The following IL33 variants were observed in gnomAD, a reference collection of about 807,000 sequenced individuals.
The protein encoded by IL33 is interleukin 33.
In IL33, 37 loss-of-function variants were observed where a neutral mutation model predicts 27.3. The observed-to-expected ratio is 1.36, with a 90% confidence interval of 1.04 to 1.78. The LOEUF (loss-of-function observed/expected upper bound fraction) is 1.78, where lower values mean the gene tolerates loss of function less well. IL33 is among the 40% of genes most tolerant of loss of function. The probability of loss-of-function intolerance (pLI) is 0.00; values close to 1 mark genes in which losing one functional copy is unlikely to be tolerated. For missense variants in IL33, 406 were observed against 311.4 expected, an observed-to-expected ratio of 1.30 and a Z score of -2.29; for synonymous variants, 132 against 102.9, an observed-to-expected ratio of 1.28 and a Z score of -1.71.
intron 1 of IL33, among the ~76,000 whole-genome samples, chr9:6,227,446 G>C (rs994784810): frequency 2.0e-5 from 3 of 151,898 alleles, no homozygotes; most frequent in African/African-American, 4.8e-5. Context: ...GGCTGTTCAT[G>C]GTAACTAACC....
chr9:6,216,321 G>A (rs1818141127), intron 1 of IL33, among the ~76,000 whole-genome samples: 1 of 152,088 alleles, frequency 6.6e-6, no homozygotes, highest in African/African-American at 2.4e-5. Context: ...TGTAGAGATA[G>A]GGTCTTTGCT....
chr9:6,251,284 G>A lies in IL33; in HGVS notation c.343+19G>A. On this transcript the variant is annotated intron_variant, in intron 4 of 7. Coordinates refer to ENST00000682010, the MANE Select transcript of IL33 (RefSeq NM_033439.4). ...ATCACAGGTATGACTGGTTACAGGG[G>A]TGATGTGGGAGTGAGGAGGGAGGTA... 1 of 1,611,840 alleles carries A rather than the reference G, an allele frequency of 6.2e-7. No homozygotes were observed. The highest frequency in any genetic ancestry group is 8.5e-7 in the Non-Finnish European group (1 of 1,178,556).
Position 6,252,270 on chromosome 9 carries a change from T to A in IL33, c.344-596T>A, listed in dbSNP as rs112583572. Among the ~76,000 whole-genome samples, 1,347 of 152,164 alleles carry A rather than the reference T, an allele frequency of 8.9e-3. 9 individuals carry two copies. The highest frequency in any genetic ancestry group is 0.025 in the South Asian group (119 of 4,818). On this transcript the variant is annotated intron_variant, in intron 4 of 7. Coordinates refer to ENST00000682010, the MANE Select transcript of IL33 (RefSeq NM_033439.4). ...TTCTCCTTAATATTTTGTATACTATTTTTTTCCAGGCCCCATCTGAGTAGT... is the reference window on the plus strand; with the variant it reads ...TTCTCCTTAATATTTTGTATACTATATTTTTCCAGGCCCCATCTGAGTAGT...
chr9:6,247,347 T>A (rs752390596), intron 2 of IL33, among the ~76,000 whole-genome samples: 1 of 151,778 alleles, frequency 6.6e-6, no homozygotes, highest in African/African-American at 2.4e-5. Flanking sequence ...GTCCTGAGAG[T>A]CCAATGCCAC....
chr9:6,231,365 C>G (rs889712410), intron 1 of IL33, among the ~76,000 whole-genome samples: 8 of 152,170 alleles, frequency 5.3e-5, no homozygotes, highest in African/African-American at 1.9e-4. Flanking sequence ...CTGCTCCAGC[C>G]ACACTAGCAC....
chr9:6,245,946 C>T (rs1466009331), intron 2 of IL33, among the ~76,000 whole-genome samples: 1 of 150,846 alleles, frequency 6.6e-6, no homozygotes, highest in Non-Finnish European at 1.5e-5. Flanking sequence ...GCCTGTAGTC[C>T]CAGCCACTTG....
chr9:6,255,362 A>G (rs1387187944), intron 7 of IL33, among the ~76,000 whole-genome samples: 1 of 152,154 alleles, frequency 6.6e-6, no homozygotes, highest in Non-Finnish European at 1.5e-5. Flanking sequence ...AACATATATA[A>G]TCTAGTGTTT....
chr9:6,227,548 G>A (rs1818696076), intron 1 of IL33, among the ~76,000 whole-genome samples: 2 of 152,086 alleles, frequency 1.3e-5, no homozygotes, highest in Admixed American at 1.3e-4. Flanking sequence ...ATATTAATAA[G>A]TTAATGATTT....
At chr9:6,248,459 G>A (rs890513589) in intron 2 of IL33, among the ~76,000 whole-genome samples, 9 of 151,946 alleles carry the variant, frequency 5.9e-5, no homozygotes, top group African/African-American at 2.2e-4. Flanking sequence ...GAGTTCTCCG[G>A]ATTTCCTCTC....
rs1005011956 is a variant in IL33, at chr9:6,254,497, C to T, written c.556C>T (p.Leu186=). The change falls in exon 7 of 8, where the codon CTG becomes TTG. Residue 186 remains leucine, a synonymous_variant. Transcript: ENST00000682010. ...GVDGKMLMVT[L]SPTKDFWLHA... is the part of the protein sequence containing the mutation. ...TGATGGTAAGATGTTAATGGTAACCCTGAGTCCTACAAAAGACTTCTGGTT... is the reference window on the plus strand; with the variant it reads ...TGATGGTAAGATGTTAATGGTAACCTTGAGTCCTACAAAAGACTTCTGGTT... 5.6e-6 allele frequency: 9 copies of T among 1,597,848 alleles called. No homozygotes were observed. The highest frequency in any genetic ancestry group is 1.3e-5 in the African/African-American group (1 of 74,640).
intron 6 of IL33, 142 bp from the exon 7 acceptor site, chr9:6,254,320 C>T (rs1439610315): frequency 4.1e-6 from 2 of 492,990 alleles, no homozygotes; most frequent in Non-Finnish European, 7.1e-6. Context: ...AACTTGGGTA[C>T]AAATACTTCT....
At chr9:6,240,824 T>A (rs1348793148) in intron 1 of IL33, among the ~76,000 whole-genome samples, 1 of 152,188 alleles carries the variant, frequency 6.6e-6, no homozygotes, top group Non-Finnish European at 1.5e-5. Flanking sequence ...AAACTTTTAG[T>A]TTTTTTAATG....
At chr9:6,253,906 T>A (rs568832304) in intron 6 of IL33, among the ~76,000 whole-genome samples, 2 of 152,166 alleles carry the variant, frequency 1.3e-5, no homozygotes, top group Non-Finnish European at 2.9e-5. Context: ...AGGGAACCCA[T>A]CTCCTTCTAT....
intron 2 of IL33, among the ~76,000 whole-genome samples, chr9:6,246,026 G>A (rs1360015514): frequency 8.8e-6 from 1 of 114,190 alleles, no homozygotes; most frequent in African/African-American, 3.4e-5. Flanking sequence ...TCACGCCACT[G>A]CACTCCAGCC....
At chr9:6,248,408 G>A (rs76864631) in intron 2 of IL33, among the ~76,000 whole-genome samples, 22,985 of 151,664 alleles carry the variant, frequency 0.15, 2,220 homozygotes, top group Middle Eastern at 0.25. Flanking sequence ...GTTATCATGG[G>A]AGTGGTTTGG....
chr9:6,232,622 T>A (rs1818978360), intron 1 of IL33, among the ~76,000 whole-genome samples: 1 of 152,186 alleles, frequency 6.6e-6, no homozygotes, highest in African/African-American at 2.4e-5. Flanking sequence ...CTCCATTTTC[T>A]TGTGTGCACA....
intron 2 of IL33, among the ~76,000 whole-genome samples, chr9:6,244,321 G>C (rs1049689541): frequency 1.3e-5 from 2 of 151,922 alleles, no homozygotes; most frequent in Non-Finnish European, 1.5e-5. Flanking sequence ...AATAATATTG[G>C]CTCAGTTAAA....
chr9:6,216,171 C>T (rs867097348), intron 1 of IL33, among the ~76,000 whole-genome samples: 20 of 152,082 alleles, frequency 1.3e-4, no homozygotes, highest in African/African-American at 4.1e-4. Context: ...TGCTCTGTAG[C>T]GCAGGCTGGA....
chr9:6,232,848 A>T (rs1364333856), intron 1 of IL33, among the ~76,000 whole-genome samples: 1 of 152,120 alleles, frequency 6.6e-6, no homozygotes, highest in Non-Finnish European at 1.5e-5. Flanking sequence ...TTCACCCAAA[A>T]AATCTCATTC....
Sources: allele counts gnomAD v4.1 joint callset (sites outside exome capture counted in the v4.1 genomes callset), GRCh38; gene constraint gnomAD v4.1.1; transcripts MANE v1.5; gene names NCBI Gene and HGNC (gene_info 2026-07-23, HGNC 2026-07-21).